SEMA4C: variants seen among roughly 807,000 people sequenced by gnomAD.
SEMA4C encodes the protein semaphorin 4C.
Under a neutral mutation model 89.0 loss-of-function variants are expected in SEMA4C, and 19 were observed. The observed-to-expected ratio is 0.21, with a 90% CI of 0.15 to 0.31. The LOEUF (loss-of-function observed/expected upper bound fraction) is 0.31, where lower values mean the gene tolerates loss of function less well. SEMA4C is among the 10% of genes least tolerant of loss of function. SEMA4C has a pLI of 1.00. For synonymous variants in SEMA4C, 428 were observed against 472.7 expected (o/e 0.91, Z 1.23); for missense variants, 811 against 1,107.0 (o/e 0.73, Z 3.79).
At chr2:96,870,546 C>T, upstream of SEMA4C, 8 of 985,488 alleles carry the variant, frequency 8.1e-6, no homozygotes, top group Non-Finnish European at 9.6e-6. Flanking sequence ...CCAGAGGGGT[C>T]TGCCGTTTGG....
chr2:96,866,780 C>T (rs1190995674), intron 2 of SEMA4C: 8 of 405,304 alleles, frequency 2.0e-5, no homozygotes, highest in East Asian at 1.8e-4. Context: ...TTCGCTTCCT[C>T]GGCGGCTGCT....
At chr2:96,869,179 C>A in intron 1 of SEMA4C, 1 of 985,408 alleles carries the variant, frequency 1.0e-6, no homozygotes, top group Non-Finnish European at 1.2e-6. Flanking sequence ...CTCATCTCGG[C>A]TCCTTACCCG....
rs757090943 is a variant in SEMA4C at position 96,866,364 on chromosome 2, C to G, written c.177G>C (p.Thr59=). Residue 59 remains threonine, a synonymous_variant, in exon 3 of 15, where the codon ACG becomes ACC. Coordinates refer to ENST00000305476, the MANE Select transcript of SEMA4C (RefSeq NM_017789.5). ...GIQDFLTLTL[T]EPTGLLYVGA... ...CCACGTACAGAAGCCCAGTGGGCTC[C>G]GTCAGCGTCAGTGTCAGGAAGTCCT... The G allele has an allele frequency of 6.2e-7, 1 of 1,613,932 alleles. No individual in the cohort carries two copies. The highest frequency in any genetic ancestry group is 8.5e-7 in the Non-Finnish European group (1 of 1,180,032).
chr2:96,860,903 G>C lies in SEMA4C; in HGVS notation c.2225C>G (p.Ser742Cys), dbSNP rs769665682. 1.5e-5 allele frequency: 24 copies of C among 1,613,158 alleles called. No individual in the cohort carries two copies. The highest frequency in any genetic ancestry group is 1.9e-5 in the Non-Finnish European group (23 of 1,180,020). The change falls in exon 15 of 15, where the codon TCC (serine) becomes TGC (cysteine). Residue 742 changes from serine to cysteine, a missense_variant. By Grantham distance (112) the Ser-to-Cys change is moderately radical. Transcript: ENST00000305476. ...DPVGYYYSDGSLKIVPGHARC... is the reference protein window; with the variant it reads ...DPVGYYYSDGCLKIVPGHARC... ...GGCATGCCCAGGTACTATCTTAAGG[G>C]AGCCATCTGAATAGTAGTAACCGAC...
upstream of SEMA4C, chr2:96,870,149 G>A (rs991267297): frequency 1.0e-6 from 1 of 979,096 alleles, no homozygotes; most frequent in Non-Finnish European, 1.2e-6. Context: ...GAGGCCGGGG[G>A]CGGGCCGCGA....
intron 12 of SEMA4C, chr2:96,863,281 G>C (rs887550095): frequency 6.9e-6 from 7 of 1,020,104 alleles, no homozygotes; most frequent in Non-Finnish European, 8.2e-6. Context: ...ACGGAAATGG[G>C]GGCTGGAAGG....
Position 96,860,278 on chromosome 2 carries a change from G to A in SEMA4C, c.*348C>T, listed in dbSNP as rs1051700753. 1 of 254,172 alleles carries A rather than the reference G, an allele frequency of 3.9e-6. No homozygotes were observed. Among genetic ancestry groups the A allele is most frequent in the Non-Finnish European group, 7.5e-6 (1 of 133,868 alleles). The allele number at this position is 254,172 out of a possible 1,614,324, so 15.7% of individuals were successfully genotyped here. ...AACAGGAAGGCTATGCCACAAGCGC[G>A]CACGCGCGTGCACACACACATACAC... On this transcript the variant is annotated 3_prime_UTR_variant, in exon 15 of 15. Coordinates refer to ENST00000305476, the MANE Select transcript of SEMA4C (RefSeq NM_017789.5).
At position 96,860,926 on chromosome 2, in the gene SEMA4C, G is replaced by A. The variant is rs1455670885; in HGVS notation, c.2202C>T (p.Val734=). 6 of 1,613,082 alleles carry A rather than the reference G, an allele frequency of 3.7e-6. No homozygotes were observed. The highest frequency in any genetic ancestry group is 1.6e-4 in the Middle Eastern group (1 of 6,062). ...GGGAGCCATCTGAATAGTAGTAACC[G>A]ACAGGATCCCAAAGTTTCTCATCTG... ...PEPDEKLWDP[V]GYYYSDGSLK... is the part of the protein sequence containing the mutation. The change falls in exon 15 of 15, where the codon GTC becomes GTT. Residue 734 remains valine (V), a synonymous_variant. Transcript: ENST00000305476.
chr2:96,861,055 C>A lies in SEMA4C; in HGVS notation c.2073G>T (p.Arg691=). The change falls in exon 15 of 15, where the codon CGG becomes CGT. Residue 691 remains arginine (R), a synonymous_variant. Transcript: ENST00000305476. The surrounding 1 kb of genome is among the most constrained non-coding windows in gnomAD (Gnocchi z 7.8). ...LLVLSLRRRL[R]EELEKGAKAT... is the part of the protein sequence containing the mutation. Reference sequence around the variant, plus strand: ...CCTTGGCCCCTTTCTCCAGCTCTTCCCGCAGCCGCCGGCGCAATGACAGCA... The same window carrying A: ...CCTTGGCCCCTTTCTCCAGCTCTTCACGCAGCCGCCGGCGCAATGACAGCA... The A allele has an allele frequency of 6.2e-7, 1 of 1,612,816 alleles. No homozygotes were observed.
At chr2:96,869,172 A>C (rs1274714797) in intron 1 of SEMA4C, 3 of 985,178 alleles carry the variant, frequency 3.0e-6, no homozygotes, top group Non-Finnish European at 2.4e-6. Flanking sequence ...CCGCGGCCTC[A>C]TCTCGGCTCC....
chr2:96,860,684 C>T lies in SEMA4C; in HGVS notation c.2444G>A (p.Arg815His), dbSNP rs770475801. The T allele has an allele frequency of 8.7e-6, 14 of 1,613,100 alleles. No homozygotes were observed. The highest frequency in any genetic ancestry group is 2.2e-5 in the East Asian group (1 of 44,896). Residue 815 changes from arginine to histidine, a missense_variant, in exon 15 of 15, where the codon CGC (arginine) becomes CAC (histidine). This residue lies in a region of SEMA4C where 248 missense variants were observed against 269.0 expected (regional missense o/e 0.92). Coordinates refer to ENST00000305476, the MANE Select transcript of SEMA4C (RefSeq NM_017789.5). ...CAGTGGCTGGCGTTGCTGCAGTTTG[C>T]GTCTCAGTTCATCCGCGAGCTCAGG... Reference protein sequence around the residue: ...PLPELADELRRKLQQRQPLPD... With the variant: ...PLPELADELRHKLQQRQPLPD...
Position 96,869,931 on chromosome 2 carries a change from C to A in SEMA4C, c.-93G>T. 1.0e-6 allele frequency: 1 copy of A among 986,626 alleles called. No homozygotes were observed. Among genetic ancestry groups the A allele is most frequent in the South Asian group, 4.5e-5 (1 of 22,072 alleles). The allele number at this position is 986,626 out of a possible 1,614,324, so 61.1% of individuals were successfully genotyped here. A position where few individuals can be genotyped will look rare whatever the true frequency, so the allele number is the denominator to read the frequency against. ...CGCCCTCGCGTTCGGCTCTGACCGC[C>A]GTCCACCCCTGCCCCCGCGTCGCCG... On this transcript the variant is annotated 5_prime_UTR_variant, in exon 1 of 15. Transcript: ENST00000305476.
chr2:96,870,203 C>A, upstream of SEMA4C: 1 of 984,942 alleles, frequency 1.0e-6, no homozygotes, highest in Non-Finnish European at 1.2e-6. Flanking sequence ...GACCTGTGGA[C>A]CCGCCCGCTC....
upstream of SEMA4C, chr2:96,870,805 C>T (rs2080181567): frequency 1.0e-6 from 1 of 967,428 alleles, no homozygotes; most frequent in Non-Finnish European, 1.2e-6. Context: ...AGAACCACCG[C>T]CACCTTCAGA....
rs780344574 is a variant in SEMA4C at position 96,861,558 on chromosome 2, G to A, written c.1672+21C>T. On this transcript the variant is annotated intron_variant, in intron 14 of 14. Transcript: ENST00000305476. This position sits in a 1 kb window ranked among gnomAD's most constrained non-coding sequence, Gnocchi z 7.8. ...TCTGGTCCAGGGCTCAGCCCGATGC[G>A]ACGGGAATGAAAAAGCTCACCTTTC... The A allele has an allele frequency of 4.4e-6, 7 of 1,598,390 alleles. No individual in the cohort carries two copies. The highest frequency in any genetic ancestry group is 2.7e-5 in the African/African-American group (2 of 74,364).
At chr2:96,865,419 T>C in intron 6 of SEMA4C, 22 bp downstream of exon 6, 1 of 1,612,534 alleles carries the variant, frequency 6.2e-7, no homozygotes, top group South Asian at 1.1e-5. Context: ...TCACCCAGCC[T>C]GCATGGGGGG....
intron 1 of SEMA4C, chr2:96,868,787 C>G: frequency 1.0e-6 from 1 of 985,326 alleles, no homozygotes; most frequent in Non-Finnish European, 1.2e-6. Context: ...TCCCGGGCCG[C>G]TGGCAACGCG....
At chr2:96,863,823 T>C (rs1225791340) in intron 11 of SEMA4C, 29 bp from the exon 12 acceptor site, 1 of 1,609,844 alleles carries the variant, frequency 6.2e-7, no homozygotes, top group Non-Finnish European at 8.5e-7. Context: ...AAGGTGTAAA[T>C]GAGAGGGCAC....
intron 1 of SEMA4C, chr2:96,868,604 G>C (rs984069317): frequency 1.5e-4 from 149 of 985,652 alleles, no homozygotes; most frequent in Non-Finnish European, 1.7e-4. Flanking sequence ...GGAAGTGGGT[G>C]GGATGGGCGT....
Sources: gnomAD v4.1 joint callset for allele counts on GRCh38, gnomAD v4.1.1 for gene constraint, gnomAD v4.1.1 regional missense constraint, Gnocchi (gnomAD v3.1) non-coding constraint, MANE v1.5 for transcripts, NCBI Gene and HGNC (gene_info 2026-07-23, HGNC 2026-07-21) for gene names.